The following SPATA17 variants were observed in gnomAD, a reference collection of about 807,000 sequenced individuals.
SPATA17 encodes spermatogenesis associated 17, also known as spermatogenesis-associated protein 17.
A neutral mutation model predicts 62.2 loss-of-function variants in SPATA17; 53 were observed. The ratio of observed to expected loss-of-function variants is 0.85; its 90% CI spans 0.68 to 1.07. The LOEUF is 1.07. Among genes scored for constraint, SPATA17 ranks in the 50% least tolerant of loss-of-function variants. SPATA17 has a pLI of 0.00. For synonymous variants in SPATA17, 146 were observed against 146.8 expected (o/e 0.99, Z 0.04); for missense variants, 466 against 425.5 (o/e 1.10, Z -0.84).
intron 5 of SPATA17, among the ~76,000 whole-genome samples, chr1:217,705,814 G>A (rs1671720963): frequency 6.6e-6 from 1 of 152,122 alleles, no homozygotes; most frequent in Admixed American, 6.6e-5. Context: ...ATCTTATCCA[G>A]AATGGTATGT....
At chr1:217,691,597 T>G (rs1284024561) in intron 5 of SPATA17, among the ~76,000 whole-genome samples, 1 of 31,042 alleles carries the variant, frequency 3.2e-5, no homozygotes, top group Non-Finnish European at 5.9e-5. Context: ...ATGCCTAGGT[T>G]TTCTTCTAGG....
At chr1:217,632,456 T>C (rs889996750) in intron 1 of SPATA17, among the ~76,000 whole-genome samples, 2 of 152,108 alleles carry the variant, frequency 1.3e-5, no homozygotes, top group African/African-American at 4.8e-5. Context: ...CAATGGAAAA[T>C]ATGTCAATGA....
intron 6 of SPATA17, among the ~76,000 whole-genome samples, chr1:217,758,373 AC>A (rs1476970814): frequency 1.3e-5 from 2 of 152,190 alleles, no homozygotes; most frequent in Non-Finnish European, 2.9e-5. Flanking sequence ...CTTTGTGTCA[AC>A]CACTGTTCAA....
chr1:217,782,409 T>C (rs1421820058), intron 8 of SPATA17, 87 bp downstream of exon 8: 3 of 1,374,600 alleles, frequency 2.2e-6, no homozygotes, highest in Middle Eastern at 2.6e-4. Context: ...CTGTAAAAAA[T>C]CTTTTATTTG....
chr1:217,814,363 G>A (rs945564945), intron 9 of SPATA17, among the ~76,000 whole-genome samples: 6 of 152,114 alleles, frequency 3.9e-5, no homozygotes, highest in African/African-American at 7.2e-5. Flanking sequence ...TAACATTTCC[G>A]TCGGAGGTCT....
chr1:217,808,035 G>C (rs913515144), intron 9 of SPATA17, among the ~76,000 whole-genome samples: 4 of 152,158 alleles, frequency 2.6e-5, no homozygotes, highest in African/African-American at 9.7e-5. Context: ...TGGCACAGGA[G>C]CCTTGCATAA....
intron 5 of SPATA17, among the ~76,000 whole-genome samples, chr1:217,734,401 C>G (rs1286615101): frequency 6.6e-6 from 1 of 152,138 alleles, no homozygotes; most frequent in East Asian, 1.9e-4. Flanking sequence ...CAGGGTCTTA[C>G]TATGTTGCTC....
intron 5 of SPATA17, among the ~76,000 whole-genome samples, chr1:217,699,737 T>C (rs903844225): frequency 1.3e-5 from 2 of 152,184 alleles, no homozygotes; most frequent in Non-Finnish European, 2.9e-5. Context: ...AATATTTCCT[T>C]CTATGAATCA....
intron 8 of SPATA17, among the ~76,000 whole-genome samples, chr1:217,792,202 C>T (rs1424747785): frequency 6.6e-6 from 1 of 151,992 alleles, no homozygotes; most frequent in Non-Finnish European, 1.5e-5. Context: ...AGGGGTGAGC[C>T]TGATATGGTC....
intron 4 of SPATA17, among the ~76,000 whole-genome samples, chr1:217,677,468 T>C (rs1371020633): frequency 6.6e-6 from 1 of 151,944 alleles, no homozygotes; most frequent in African/African-American, 2.4e-5. Flanking sequence ...TAGTTAGAGA[T>C]AGATAGGTTA....
intron 9 of SPATA17, among the ~76,000 whole-genome samples, chr1:217,835,611 A>C (rs1347191192): frequency 6.6e-6 from 1 of 152,156 alleles, no homozygotes; most frequent in East Asian, 1.9e-4. Context: ...GTAAGTCAAT[A>C]CATGGATGAA....
chr1:217,642,543 A>C (rs1670088183), intron 1 of SPATA17, among the ~76,000 whole-genome samples: 1 of 152,214 alleles, frequency 6.6e-6, no homozygotes, highest in Non-Finnish European at 1.5e-5. Flanking sequence ...TGTCCCCACC[A>C]GATCTCATCT....
intron 5 of SPATA17, among the ~76,000 whole-genome samples, chr1:217,710,758 A>G (rs1671840379): frequency 6.6e-6 from 1 of 152,172 alleles, no homozygotes. Flanking sequence ...TTTTGCAACC[A>G]TCACCACAAT....
chr1:217,819,179 A>AT (rs760229724), intron 9 of SPATA17, among the ~76,000 whole-genome samples: 9 of 145,008 alleles, frequency 6.2e-5, no homozygotes, highest in South Asian at 4.4e-4. Flanking sequence ...TCTCACTTTG[A>AT]TTTTTTTTTT....
At chr1:217,790,447 T>C (rs1558052185) in intron 8 of SPATA17, among the ~76,000 whole-genome samples, 1 of 152,080 alleles carries the variant, frequency 6.6e-6, no homozygotes, top group African/African-American at 2.4e-5. Flanking sequence ...TACTCACTTT[T>C]ATTTTTTTTT....
chr1:217,674,119 G>A (rs1019815619), intron 4 of SPATA17, among the ~76,000 whole-genome samples: 3 of 152,102 alleles, frequency 2.0e-5, no homozygotes, highest in African/African-American at 7.2e-5. Context: ...AATGACTCCA[G>A]ATTCTGAAAC....
chr1:217,843,217 G>T (rs1258211812), intron 9 of SPATA17, among the ~76,000 whole-genome samples: 1 of 152,074 alleles, frequency 6.6e-6, no homozygotes, highest in Non-Finnish European at 1.5e-5. Flanking sequence ...TCCATTTCCA[G>T]CGGTTTGCTA....
chr1:217,637,506 C>T (rs1308519977), intron 1 of SPATA17, among the ~76,000 whole-genome samples: 1 of 152,140 alleles, frequency 6.6e-6, no homozygotes, highest in Non-Finnish European at 1.5e-5. Context: ...TACTTCATTA[C>T]CCTGTAGCAA....
chr1:217,651,019 A>T, intron 2 of SPATA17, 78 bp from the exon 3 acceptor site: 1 of 1,054,856 alleles, frequency 9.5e-7, no homozygotes, highest in South Asian at 1.4e-5. Context: ...CTTGAATTGT[A>T]GGAGAGTATT....
Sources: allele counts gnomAD v4.1 joint callset (sites outside exome capture counted in the v4.1 genomes callset), GRCh38; gene constraint gnomAD v4.1.1; transcripts MANE v1.5; gene names NCBI Gene and HGNC (gene_info 2026-07-23, HGNC 2026-07-21).